SIK3: variants seen among roughly 807,000 people sequenced by gnomAD.
The protein encoded by SIK3 is SIK family kinase 3.
In SIK3, 28 loss-of-function variants were observed where a neutral mutation model predicts 144.2. The ratio of observed to expected loss-of-function variants is 0.19; its 90% CI spans 0.14 to 0.27. SIK3 has a LOEUF of 0.27. Ranked by LOEUF, SIK3 falls within the 10% of genes least tolerant of loss-of-function variation. The pLI is 1.00. For synonymous variants in SIK3, 686 were observed against 676.3 expected (o/e 1.01, Z -0.22); for missense variants, 1,319 against 1,776.0 (o/e 0.74, Z 4.62).
At chr11:117,086,230 C>A (rs1279727542) in intron 1 of SIK3, among the ~76,000 whole-genome samples, 1 of 152,190 alleles carries the variant, frequency 6.6e-6, no homozygotes, top group African/African-American at 2.4e-5. Flanking sequence ...ATGCACACAG[C>A]AAATTTAAAC....
Position 116,879,910 on chromosome 11 carries a change from G to A in SIK3, c.866-2868C>T, listed in dbSNP as rs116724830. On this transcript the variant is annotated intron_variant, in intron 6 of 24. Transcript: ENST00000445177. Reference sequence around the variant, plus strand: ...AATGTCATTGACACATATGTTTATCGTTTGCAGTTACTTAAGAGGACAAAA... The same window carrying A: ...AATGTCATTGACACATATGTTTATCATTTGCAGTTACTTAAGAGGACAAAA... Among the ~76,000 whole-genome samples, 655 of 152,280 alleles carry A rather than the reference G, an allele frequency of 4.3e-3. 2 individuals carry two copies. Among genetic ancestry groups the A allele is most frequent in the Middle Eastern group, 0.014 (4 of 294 alleles).
chr11:117,080,417 T>C (rs1039765580), intron 1 of SIK3, among the ~76,000 whole-genome samples: 2 of 152,202 alleles, frequency 1.3e-5, no homozygotes, highest in Non-Finnish European at 2.9e-5. Context: ...ATGAAGACTC[T>C]GGCTTTAAAA....
intron 1 of SIK3, among the ~76,000 whole-genome samples, chr11:116,995,363 AG>A (rs1478400751): frequency 3.3e-5 from 5 of 151,456 alleles, no homozygotes; most frequent in African/African-American, 1.2e-4. Flanking sequence ...TCCCAGGCTC[AG>A]GAGATCCTCC....
chr11:117,035,717 G>A (rs1277275593), intron 1 of SIK3: 4 of 1,006,072 alleles, frequency 4.0e-6, no homozygotes, highest in Non-Finnish European at 6.1e-6. Context: ...ACCATGCCCG[G>A]CTAATTGTTT....
chr11:116,996,008 A>T (rs1950652495), intron 1 of SIK3, among the ~76,000 whole-genome samples: 1 of 152,114 alleles, frequency 6.6e-6, no homozygotes, highest in African/African-American at 2.4e-5. Context: ...ATTAATTATT[A>T]AAAAGGAACA....
intron 1 of SIK3, among the ~76,000 whole-genome samples, chr11:117,023,621 A>T (rs11601973): frequency 0.31 from 29,750 of 94,498 alleles, 4,375 homozygotes; most frequent in Non-Finnish European, 0.36. Context: ...AAAAAAAAAA[A>T]ATATATATAT....
At position 116,857,891 on chromosome 11, in the gene SIK3, TCA is replaced by T; in HGVS notation, c.3572_3573del (p.Val1191GlufsTer21). On this transcript the variant is annotated frameshift_variant, in exon 21 of 25. Coordinates refer to ENST00000445177, the MANE Select transcript of SIK3 (RefSeq NM_001366686.3). LOFTEE classifies it high-confidence loss of function. ...PGDPESLLGT[V>X]SHAQELGIHP... ...TGTATCCCCAATTCTTGGGCATGAC[TCA>T]CAGTTCCTAGCAAAGATTCAGGGTC... 1 of 1,614,210 alleles carries T rather than the reference TCA, an allele frequency of 6.2e-7. No individual in the cohort carries two copies.
chr11:117,039,223 G>T (rs1952641442), intron 1 of SIK3, among the ~76,000 whole-genome samples: 1 of 152,074 alleles, frequency 6.6e-6, no homozygotes, highest in Non-Finnish European at 1.5e-5. Flanking sequence ...TAAATAAAAA[G>T]ATACCTATTG....
intron 13 of SIK3, among the ~76,000 whole-genome samples, chr11:116,871,150 G>C (rs569911544): frequency 2.1e-4 from 32 of 152,208 alleles, no homozygotes; most frequent in Non-Finnish European, 4.3e-4. Context: ...CACAATGCTT[G>C]TATCACTGTG....
intron 3 of SIK3, among the ~76,000 whole-genome samples, chr11:116,929,282 C>G (rs1363289707): frequency 1.3e-5 from 2 of 152,128 alleles, no homozygotes; most frequent in Non-Finnish European, 2.9e-5. Flanking sequence ...GAAGAGACAG[C>G]TATTCTTGAG....
intron 4 of SIK3, among the ~76,000 whole-genome samples, chr11:116,907,853 A>G (rs1591292681): frequency 3.3e-5 from 5 of 152,272 alleles, no homozygotes; most frequent in Admixed American, 3.3e-4. Flanking sequence ...AATTTCTCAA[A>G]AAGTGGCACA....
chr11:116,891,029 T>TA (rs966168552), intron 6 of SIK3, among the ~76,000 whole-genome samples: 3 of 152,318 alleles, frequency 2.0e-5, no homozygotes, highest in East Asian at 1.9e-4. Flanking sequence ...TTTGCTTTTT[T>TA]AAAAAAATTG....
At chr11:116,930,716 C>T (rs868721817) in intron 3 of SIK3, among the ~76,000 whole-genome samples, 11 of 152,236 alleles carry the variant, frequency 7.2e-5, no homozygotes, top group Middle Eastern at 3.4e-3. Flanking sequence ...CTACCCATAT[C>T]CTCATCCCAA....
At chr11:116,917,740 A>G (rs900205402) in intron 4 of SIK3, among the ~76,000 whole-genome samples, 9 of 150,658 alleles carry the variant, frequency 6.0e-5, no homozygotes, top group Non-Finnish European at 1.3e-4. Flanking sequence ...GGAAAGAGAG[A>G]GAGAGAGAGA....
intron 1 of SIK3, 42 bp downstream of exon 1, chr11:117,098,101 C>A: frequency 7.2e-7 from 1 of 1,386,438 alleles, no homozygotes; most frequent in Non-Finnish European, 9.4e-7. Flanking sequence ...CCTCTCCCGG[C>A]CCCGCCACGC....
chr11:116,896,114 G>A lies in SIK3; in HGVS notation c.865+139C>T. 7 of 1,174,696 alleles carry A rather than the reference G, an allele frequency of 6.0e-6. No individual in the cohort carries two copies. The South Asian group carries it at 8.4e-5, about 14-fold the overall frequency. The allele number at this position is 1,174,696 out of a possible 1,614,324, so 72.8% of individuals were successfully genotyped here. A position where few individuals can be genotyped will look rare whatever the true frequency, so the allele number is the denominator to read the frequency against. On this transcript the variant is annotated intron_variant, in intron 6 of 24. Coordinates refer to ENST00000445177, the MANE Select transcript of SIK3 (RefSeq NM_001366686.3). ...CTGTTTCTACAGAACCTTGCCTCCT[G>A]GAGGCATCAGGTCAGCAAGCTGGAG...
chr11:117,012,391 C>A (rs1425401130), intron 1 of SIK3, among the ~76,000 whole-genome samples: 1 of 152,182 alleles, frequency 6.6e-6, no homozygotes, highest in Non-Finnish European at 1.5e-5. Flanking sequence ...TACAGAAGAA[C>A]TAGAATCTTC....
chr11:117,037,983 A>G (rs1952584974), intron 1 of SIK3, among the ~76,000 whole-genome samples: 1 of 152,218 alleles, frequency 6.6e-6, no homozygotes, highest in African/African-American at 2.4e-5. Flanking sequence ...AGTTCTGAAA[A>G]GTTTTATAAT....
chr11:117,049,108 A>G (rs1201124112), intron 1 of SIK3, among the ~76,000 whole-genome samples: 1 of 152,062 alleles, frequency 6.6e-6, no homozygotes, highest in East Asian at 1.9e-4. Flanking sequence ...CCATCTCAAA[A>G]AATTTTTTAA....
Sources: gnomAD v4.1 joint callset for allele counts (sites outside exome capture counted in the v4.1 genomes callset) on GRCh38, gnomAD v4.1.1 for gene constraint, MANE v1.5 for transcripts, NCBI Gene and HGNC (gene_info 2026-07-23, HGNC 2026-07-21) for gene names.